CTNND2: variants seen among roughly 807,000 people sequenced by gnomAD.
CTNND2 encodes the protein catenin delta-2.
Under a neutral mutation model 144.4 loss-of-function variants are expected in CTNND2, and 22 were observed. The observed-to-expected ratio is 0.15, with a 90% confidence interval of 0.11 to 0.22. The LOEUF is 0.22. Ranked by LOEUF, CTNND2 falls within the 10% of genes least tolerant of loss-of-function variation. CTNND2 has a pLI of 1.00. For missense variants in CTNND2, 1,353 were observed against 1,618.8 expected, an observed-to-expected ratio of 0.84 and a Z score of 2.82; for synonymous variants, 751 against 695.6, an observed-to-expected ratio of 1.08 and a Z score of -1.25.
intron 1 of CTNND2, among the ~76,000 whole-genome samples, chr5:11,799,809 C>A (rs1205110118): frequency 2.0e-5 from 3 of 152,120 alleles, no homozygotes; most frequent in African/African-American, 7.2e-5. Flanking sequence ...CTACTGTCTA[C>A]AGATAAAAAT....
chr5:11,326,174 T>G (rs76747660), intron 9 of CTNND2, among the ~76,000 whole-genome samples: 5,950 of 152,282 alleles, frequency 0.039, 405 homozygotes, highest in African/African-American at 0.14. Flanking sequence ...TTCAACAGGA[T>G]GCTCTGCTTC....
intron 16 of CTNND2, among the ~76,000 whole-genome samples, chr5:11,065,235 C>G (rs1747437302): frequency 6.6e-6 from 1 of 152,218 alleles, no homozygotes; most frequent in Admixed American, 6.5e-5. Context: ...TGCCTAATAA[C>G]TGTGGATGCA....
chr5:11,433,461 C>T (rs77508943), intron 3 of CTNND2, among the ~76,000 whole-genome samples: 3,971 of 152,086 alleles, frequency 0.026, 179 homozygotes, highest in African/African-American at 0.089. Flanking sequence ...AGGAAATACC[C>T]GAGGCTGGGT....
intron 11 of CTNND2, among the ~76,000 whole-genome samples, chr5:11,162,796 C>A (rs140091205): frequency 3.4e-4 from 52 of 151,974 alleles, no homozygotes; most frequent in African/African-American, 1.3e-3. Flanking sequence ...ATAGAAGCAG[C>A]AGTTTCTGGA....
intron 2 of CTNND2, among the ~76,000 whole-genome samples, chr5:11,599,979 T>C (rs1184976104): frequency 2.6e-5 from 4 of 152,178 alleles, no homozygotes; most frequent in Non-Finnish European, 5.9e-5. Context: ...GGTACCTACT[T>C]TTAGCAAGTC....
rs988681943 is a variant in CTNND2, at chr5:11,000,047, C to T, written c.3085-7370G>A. ...CAGGTCTTCTTTTTATGGATTTCGA[C>T]GGCCCTGAATCTATAACACTCTCCA... is the stretch of plus-strand genomic sequence containing the variant. On this transcript the variant is annotated intron_variant, in intron 18 of 21. Transcript: ENST00000304623. Among the ~76,000 whole-genome samples the T allele has an allele frequency of 4.6e-5, 7 of 152,268 alleles. No homozygotes were observed. The South Asian group carries it at 6.2e-4, about 14-fold the overall frequency.
At chr5:11,635,356 G>T (rs1318406689) in intron 2 of CTNND2, among the ~76,000 whole-genome samples, 1 of 152,058 alleles carries the variant, frequency 6.6e-6, no homozygotes, top group South Asian at 2.1e-4. Flanking sequence ...TACTAAGCAT[G>T]AGGAAGCAAA....
chr5:11,537,461 A>C (rs931803296), intron 3 of CTNND2, among the ~76,000 whole-genome samples: 1 of 151,658 alleles, frequency 6.6e-6, no homozygotes, highest in Admixed American at 6.6e-5. Flanking sequence ...GGTTGAATAG[A>C]ATTTATATAC....
At chr5:11,266,757 C>T (rs922934114) in intron 9 of CTNND2, among the ~76,000 whole-genome samples, 2 of 152,216 alleles carry the variant, frequency 1.3e-5, no homozygotes, top group African/African-American at 2.4e-5. Context: ...AGCATAATTT[C>T]CACTGCACAT....
chr5:11,561,837 T>C (rs1279771790), intron 3 of CTNND2, among the ~76,000 whole-genome samples: 3 of 151,958 alleles, frequency 2.0e-5, no homozygotes, highest in Non-Finnish European at 4.4e-5. Context: ...AGGTCAGGAG[T>C]TCGAGACCAG....
intron 1 of CTNND2, among the ~76,000 whole-genome samples, chr5:11,793,575 C>T (rs1361593071): frequency 2.6e-5 from 4 of 152,178 alleles, no homozygotes; most frequent in African/African-American, 7.2e-5. Flanking sequence ...ACAGGCAGAA[C>T]GCCATGGGAA....
chr5:11,241,764 TAGTC>T (rs1482391754), intron 9 of CTNND2, among the ~76,000 whole-genome samples: 9 of 152,072 alleles, frequency 5.9e-5, no homozygotes, highest in Non-Finnish European at 1.3e-4. Flanking sequence ...CTGCAGAAAA[TAGTC>T]TGTCTGGATC....
At chr5:11,115,395 C>T (rs780563791) in intron 13 of CTNND2, among the ~76,000 whole-genome samples, 1 of 152,198 alleles carries the variant, frequency 6.6e-6, no homozygotes, top group Non-Finnish European at 1.5e-5. Flanking sequence ...TATCAAAGCT[C>T]TTTTCGTAGC....
At chr5:10,992,787 TCAG>T (rs1464024992) in intron 18 of CTNND2, 110 bp from the exon 19 acceptor site, 1 of 1,420,064 alleles carries the variant, frequency 7.0e-7, no homozygotes, top group African/African-American at 1.4e-5. Flanking sequence ...CTATGGTGTG[TCAG>T]AAGAGGTTCT....
intron 3 of CTNND2, among the ~76,000 whole-genome samples, chr5:11,498,758 C>T (rs1770236746): frequency 6.6e-6 from 1 of 152,010 alleles, no homozygotes; most frequent in South Asian, 2.1e-4. Context: ...GGGTTTTTTT[C>T]CTTTACTTAA....
intron 3 of CTNND2, among the ~76,000 whole-genome samples, chr5:11,504,997 G>A (rs1157751830): frequency 1.3e-5 from 2 of 151,944 alleles, no homozygotes; most frequent in African/African-American, 4.8e-5. Flanking sequence ...TCTCTCCCCT[G>A]GGGCCCTCTG....
intron 13 of CTNND2, among the ~76,000 whole-genome samples, chr5:11,114,716 G>A (rs761359702): frequency 6.6e-6 from 1 of 152,112 alleles, no homozygotes; most frequent in African/African-American, 2.4e-5. Flanking sequence ...TCAACACACT[G>A]GCCCAATTAT....
chr5:11,320,498 C>G (rs1188576907), intron 9 of CTNND2, among the ~76,000 whole-genome samples: 1 of 152,130 alleles, frequency 6.6e-6, no homozygotes, highest in African/African-American at 2.4e-5. Context: ...CATTTTCATG[C>G]TGCTGATAAA....
intron 3 of CTNND2, among the ~76,000 whole-genome samples, chr5:11,538,046 C>A (rs1313034209): frequency 6.6e-6 from 1 of 152,182 alleles, no homozygotes; most frequent in African/African-American, 2.4e-5. Flanking sequence ...GAAACTCTTC[C>A]TGCGTGATTG....
Sources: gnomAD v4.1 joint callset for allele counts (sites outside exome capture counted in the v4.1 genomes callset) on GRCh38, gnomAD v4.1.1 for gene constraint, MANE v1.5 for transcripts, NCBI Gene and HGNC (gene_info 2026-07-23, HGNC 2026-07-21) for gene names.